TSNARE1: variants seen among roughly 807,000 people sequenced by gnomAD.
TSNARE1 encodes the protein t-SNARE domain containing 1.
In TSNARE1, 49 loss-of-function variants were observed where a neutral mutation model predicts 62.0. The observed-to-expected ratio is 0.79, with a 90% confidence interval of 0.63 to 1.00. The LOEUF (loss-of-function observed/expected upper bound fraction) is 1.00, where lower values mean the gene tolerates loss of function less well. TSNARE1 is among the 50% of genes least tolerant of loss of function. The pLI is 0.00. For missense variants in TSNARE1, 755 were observed against 700.1 expected (o/e 1.08, Z -0.88); for synonymous variants, 328 against 294.4 (o/e 1.11, Z -1.17).
chr8:142,306,282 G>A (rs961499714), intron 9 of TSNARE1, among the ~76,000 whole-genome samples: 10 of 152,222 alleles, frequency 6.6e-5, no homozygotes, highest in African/African-American at 1.4e-4. Flanking sequence ...ACATGGAGGC[G>A]TGTCTAGGCA....
rs1822313038 is a variant in TSNARE1 at position 142,284,310 on chromosome 8, T to C, written c.1363+103A>G. ...GACCCCAGCCTGGGCCTGGCTCCTC[T>C]TAGAGGCCCCTTCACCCACCCTTAG... On this transcript the variant is annotated intron_variant, in intron 11 of 13. Transcript: ENST00000524325. 15 of 901,936 alleles carry C rather than the reference T, an allele frequency of 1.7e-5. No homozygotes were observed. In the South Asian group the frequency reaches 2.0e-4, roughly 12 times the overall value. The allele number at this position is 901,936 out of a possible 1,614,324, so 55.9% of individuals were successfully genotyped here. A position where few individuals can be genotyped will look rare whatever the true frequency, so the allele number is the denominator to read the frequency against.
At chr8:142,358,204 T>C (rs1484575401) in intron 1 of TSNARE1, among the ~76,000 whole-genome samples, 1 of 82,976 alleles carries the variant, frequency 1.2e-5, no homozygotes, top group Non-Finnish European at 2.1e-5. Flanking sequence ...CGGGGTCTGC[T>C]GGGTTTCAGG....
intron 9 of TSNARE1, among the ~76,000 whole-genome samples, chr8:142,305,379 G>A (rs1826496194): frequency 6.6e-6 from 1 of 152,178 alleles, no homozygotes; most frequent in Admixed American, 6.5e-5. Context: ...GGGGTTCCGT[G>A]TGGACGCCCA....
intron 1 of TSNARE1, among the ~76,000 whole-genome samples, chr8:142,364,821 G>A (rs1002430330): frequency 6.6e-6 from 1 of 152,102 alleles, no homozygotes; most frequent in African/African-American, 2.4e-5. Context: ...AAATTTATGA[G>A]TCCACACTGT....
chr8:142,271,062 G>T, intron 12 of TSNARE1: 3 of 985,964 alleles, frequency 3.0e-6, no homozygotes, highest in Non-Finnish European at 3.6e-6. Flanking sequence ...CTGCCCTTTG[G>T]CTCTGCCAGC....
At chr8:142,367,205 C>A (rs1265600325) in intron 1 of TSNARE1, among the ~76,000 whole-genome samples, 2 of 152,192 alleles carry the variant, frequency 1.3e-5, no homozygotes, top group African/African-American at 4.8e-5. Flanking sequence ...AATAAAAATA[C>A]CATCATGCGT....
At chr8:142,271,449 C>A in intron 12 of TSNARE1, 1 of 1,260,606 alleles carries the variant, frequency 7.9e-7, no homozygotes, top group Non-Finnish European at 1.0e-6. Context: ...TCAGATGCTG[C>A]CGCTGGGGTC....
chr8:142,313,902 C>G (rs1299980860), intron 9 of TSNARE1, among the ~76,000 whole-genome samples: 1 of 152,184 alleles, frequency 6.6e-6, no homozygotes, highest in African/African-American at 2.4e-5. Context: ...CCTCAGCCTC[C>G]CATGTAGCTG....
At chr8:142,279,245 T>A (rs1449312594) in intron 11 of TSNARE1, among the ~76,000 whole-genome samples, 1 of 152,218 alleles carries the variant, frequency 6.6e-6, no homozygotes, top group Non-Finnish European at 1.5e-5. Flanking sequence ...ACCGCTGGAC[T>A]GCATCTGGAA....
chr8:142,241,698 C>T (rs149139451), intron 12 of TSNARE1, among the ~76,000 whole-genome samples: 183 of 152,314 alleles, frequency 1.2e-3, no homozygotes, highest in Middle Eastern at 3.4e-3. Flanking sequence ...GAAACAAATC[C>T]ATGCATTTGC....
chr8:142,324,265 G>A (rs2131841146), intron 6 of TSNARE1, among the ~76,000 whole-genome samples: 1 of 152,320 alleles, frequency 6.6e-6, no homozygotes, highest in East Asian at 1.9e-4. Flanking sequence ...TCCCCACAAA[G>A]CCAGCTCTGC....
At chr8:142,327,679 C>T (rs1830455414) in intron 6 of TSNARE1, among the ~76,000 whole-genome samples, 1 of 152,210 alleles carries the variant, frequency 6.6e-6, no homozygotes, top group Non-Finnish European at 1.5e-5. Context: ...TGGTCCTGCC[C>T]TGCTTAAGCT....
chr8:142,270,853 G>A (rs1819464280), intron 12 of TSNARE1: 1 of 985,342 alleles, frequency 1.0e-6, no homozygotes, highest in South Asian at 4.7e-5. Flanking sequence ...AGTCCCACAG[G>A]TCGGCTCTCT....
At chr8:142,391,126 T>A (rs866561867) in intron 1 of TSNARE1, among the ~76,000 whole-genome samples, 1 of 121,390 alleles carries the variant, frequency 8.2e-6, no homozygotes, top group African/African-American at 3.2e-5. Flanking sequence ...TGTACACTGC[T>A]GGGGACTCTG....
chr8:142,376,948 G>A (rs1028257513), intron 1 of TSNARE1, among the ~76,000 whole-genome samples: 2 of 152,234 alleles, frequency 1.3e-5, no homozygotes, highest in African/African-American at 4.8e-5. Context: ...GGAAGAGAGG[G>A]AAGCACTCCT....
Position 142,341,603 on chromosome 8 carries a change from G to A in TSNARE1, c.745+2363C>T, listed in dbSNP as rs886923307. On this transcript the variant is annotated intron_variant, in intron 4 of 13. Transcript: ENST00000524325. ...ACACAGGCTAGGACAGCACAAGGTA[G>A]AAGAGGATATGAAGCCATCCCACCA... is the stretch of plus-strand genomic sequence containing the variant. 2.0e-5 allele frequency among the ~76,000 whole-genome samples: 3 copies of A among 152,280 alleles called. No homozygotes were observed. The South Asian group carries it at 6.2e-4, about 32-fold the overall frequency.
At chr8:142,341,899 G>A (rs1171742097) in intron 4 of TSNARE1, among the ~76,000 whole-genome samples, 1 of 152,238 alleles carries the variant, frequency 6.6e-6, no homozygotes, top group African/African-American at 2.4e-5. Context: ...GAGGAGGGCA[G>A]GAGGACTTCT....
intron 9 of TSNARE1, among the ~76,000 whole-genome samples, chr8:142,302,328 C>T (rs753674050): frequency 2.4e-4 from 37 of 152,296 alleles, no homozygotes; most frequent in African/African-American, 7.5e-4. Context: ...CTGACTCGTC[C>T]GGCCACTGGT....
intron 10 of TSNARE1, among the ~76,000 whole-genome samples, chr8:142,296,580 G>A (rs1824792457): frequency 6.6e-6 from 1 of 151,982 alleles, no homozygotes; most frequent in Non-Finnish European, 1.5e-5. Context: ...CTGGGGATGG[G>A]GCTGACCCCA....
Sources: gnomAD v4.1 joint callset for allele counts (sites outside exome capture counted in the v4.1 genomes callset) on GRCh38, gnomAD v4.1.1 for gene constraint, MANE v1.5 for transcripts, NCBI Gene and HGNC (gene_info 2026-07-23, HGNC 2026-07-21) for gene names.